PKP4: variants seen among roughly 807,000 people sequenced by gnomAD.
PKP4 encodes plakophilin 4.
PKP4 carries 90 observed loss-of-function variants against 145.1 expected under a neutral mutation model. That is an observed-to-expected ratio of 0.62 (90% CI 0.52 to 0.74). The LOEUF (loss-of-function observed/expected upper bound fraction) is 0.74. Among genes scored for constraint, PKP4 ranks in the 30% least tolerant of loss-of-function variants. The probability of loss-of-function intolerance (pLI) is 0.00; values close to 1 mark genes in which losing one functional copy is unlikely to be tolerated. For synonymous variants in PKP4, 563 were observed against 577.2 expected (o/e 0.98, Z 0.35); for missense variants, 1,340 against 1,482.7 (o/e 0.90, Z 1.58).
intron 8 of PKP4, among the ~76,000 whole-genome samples, chr2:158,632,261 A>T (rs1444799173): frequency 6.6e-6 from 1 of 152,214 alleles, no homozygotes; most frequent in Non-Finnish European, 1.5e-5. Flanking sequence ...GCCTTGTTGG[A>T]ATATTTCTTT....
chr2:158,484,289 C>T (rs1693842150), intron 1 of PKP4, among the ~76,000 whole-genome samples: 1 of 152,094 alleles, frequency 6.6e-6, no homozygotes, highest in Admixed American at 6.5e-5. Flanking sequence ...CCTCGTGATC[C>T]ACCCACCTCG....
In PKP4 at chr2:158,465,271, T is replaced by C. The variant is rs182858721; in HGVS notation, c.-6+8053T>C. 1.5e-3 allele frequency among the ~76,000 whole-genome samples: 225 copies of C among 152,370 alleles called. 1 individual carries two copies. Among genetic ancestry groups the C allele is most frequent in the African/African-American group, 5.0e-3 (208 of 41,584 alleles). On this transcript the variant is annotated intron_variant, in intron 1 of 21. Transcript: ENST00000389759. ...TCATACTTCTACTTGCTTAATTGTGTATTACATGATAAATTACCCGATTCT... is the reference window on the plus strand; with the variant it reads ...TCATACTTCTACTTGCTTAATTGTGCATTACATGATAAATTACCCGATTCT...
intron 1 of PKP4, among the ~76,000 whole-genome samples, chr2:158,514,238 G>A (rs1351454013): frequency 6.6e-6 from 1 of 152,194 alleles, no homozygotes; most frequent in Non-Finnish European, 1.5e-5. Flanking sequence ...TGAGAATGCA[G>A]TGGCAATCCA....
intron 1 of PKP4, among the ~76,000 whole-genome samples, chr2:158,460,783 G>T (rs923737314): frequency 6.6e-6 from 1 of 152,184 alleles, no homozygotes; most frequent in Non-Finnish European, 1.5e-5. Flanking sequence ...TTGCCTTCAC[G>T]CCTTCAAGTG....
At chr2:158,495,032 C>CATAGTGAAACCCCATCTCTACTA (rs1695477556) in intron 1 of PKP4, among the ~76,000 whole-genome samples, 1 of 151,924 alleles carries the variant, frequency 6.6e-6, no homozygotes, top group Non-Finnish European at 1.5e-5. Flanking sequence ...GCCTGGCCAA[C>CATAGTGAAACCCCATCTCTACTA]ATAGTGAAAC....
chr2:158,547,539 A>G (rs572407318), intron 2 of PKP4, among the ~76,000 whole-genome samples: 4 of 152,288 alleles, frequency 2.6e-5, no homozygotes, highest in Admixed American at 1.3e-4. Context: ...AGCTAAGGCA[A>G]TTTTGCGGGG....
rs369296037 is a variant in PKP4 at position 158,618,595 on chromosome 2, G to A, written c.281-2395G>A. ...ATCTCATGATTTGTGCTTTCTCTAA[G>A]GTTATTTATTTTAAATAGCTTCTCA... On this transcript the variant is annotated intron_variant, in intron 4 of 21. Coordinates refer to ENST00000389759, the MANE Select transcript of PKP4 (RefSeq NM_003628.6). 1.3e-4 allele frequency among the ~76,000 whole-genome samples: 20 copies of A among 152,204 alleles called. 2 individuals are homozygous for A. Among genetic ancestry groups the A allele is most frequent in the South Asian group, 1.2e-3 (6 of 4,824 alleles).
chr2:158,529,134 T>G (rs2043278366), intron 1 of PKP4, among the ~76,000 whole-genome samples: 1 of 152,230 alleles, frequency 6.6e-6, no homozygotes, highest in African/African-American at 2.4e-5. Context: ...GTTCTGGAAA[T>G]TTTAAGCATT....
At chr2:158,567,782 GT>G (rs1307405168) in intron 2 of PKP4, among the ~76,000 whole-genome samples, 1 of 152,224 alleles carries the variant, frequency 6.6e-6, no homozygotes, top group African/African-American at 2.4e-5. Context: ...GACTTAATGA[GT>G]TTTTGCAGTA....
At chr2:158,466,562 A>G (rs1269463975) in intron 1 of PKP4, among the ~76,000 whole-genome samples, 6 of 151,562 alleles carry the variant, frequency 4.0e-5, no homozygotes, top group African/African-American at 1.5e-4. Context: ...AAAATTAGCC[A>G]GGCGTGGTGG....
intron 1 of PKP4, among the ~76,000 whole-genome samples, chr2:158,479,106 T>G (rs1384478789): frequency 6.6e-6 from 1 of 152,194 alleles, no homozygotes; most frequent in East Asian, 1.9e-4. Flanking sequence ...ATTTTTCCAT[T>G]AGTAGGAGTT....
chr2:158,654,440 AG>A (rs1284673963), intron 11 of PKP4, among the ~76,000 whole-genome samples: 1 of 152,242 alleles, frequency 6.6e-6, no homozygotes, highest in Non-Finnish European at 1.5e-5. Context: ...AAGATAGCAT[AG>A]TCAACTTGTC....
chr2:158,469,699 GGTAA>G (rs1398067586), intron 1 of PKP4, among the ~76,000 whole-genome samples: 10 of 152,128 alleles, frequency 6.6e-5, no homozygotes, highest in Non-Finnish European at 1.3e-4. Context: ...TAGCTGAGAA[GGTAA>G]GTGTTGACTG....
intron 11 of PKP4, among the ~76,000 whole-genome samples, chr2:158,645,664 G>T (rs1167962698): frequency 6.6e-6 from 1 of 152,172 alleles, no homozygotes; most frequent in Non-Finnish European, 1.5e-5. Flanking sequence ...GATTCATCAT[G>T]ACTCGATCCT....
chr2:158,503,202 T>C (rs1332720903), intron 1 of PKP4, among the ~76,000 whole-genome samples: 1 of 152,268 alleles, frequency 6.6e-6, no homozygotes, highest in Non-Finnish European at 1.5e-5. Context: ...ATGCTTCTGC[T>C]ATTTCATAGA....
chr2:158,562,664 T>C (rs4664976), intron 2 of PKP4, among the ~76,000 whole-genome samples: 82,173 of 152,020 alleles, frequency 0.54, 22,680 homozygotes, highest in East Asian at 0.79. Flanking sequence ...TATATACATA[T>C]ATCATCACCT....
chr2:158,627,619 T>C (rs886241031), intron 7 of PKP4, among the ~76,000 whole-genome samples: 3 of 150,070 alleles, frequency 2.0e-5, no homozygotes, highest in Non-Finnish European at 4.4e-5. Flanking sequence ...GGGTATTTGA[T>C]GATCATAATT....
chr2:158,483,965 T>TTG (rs1186761143), intron 1 of PKP4, among the ~76,000 whole-genome samples: 4 of 152,250 alleles, frequency 2.6e-5, no homozygotes, highest in Non-Finnish European at 2.9e-5. Context: ...ATGAATTTCT[T>TTG]TGTGTGTGTG....
intron 1 of PKP4, among the ~76,000 whole-genome samples, chr2:158,461,393 A>G (rs1205727054): frequency 3.3e-5 from 5 of 152,160 alleles, no homozygotes; most frequent in Non-Finnish European, 7.3e-5. Context: ...TTTATTATTC[A>G]TAGTCTTGAT....
Sources: gnomAD v4.1 joint callset for allele counts (sites outside exome capture counted in the v4.1 genomes callset) on GRCh38, gnomAD v4.1.1 for gene constraint, MANE v1.5 for transcripts, NCBI Gene and HGNC (gene_info 2026-07-23, HGNC 2026-07-21) for gene names.